FUNDC1: variants seen among roughly 807,000 people sequenced by gnomAD.
FUNDC1 encodes FUN14 domain containing 1, also known as FUN14 domain-containing protein 1.
Under a neutral mutation model 14.5 loss-of-function variants are expected in FUNDC1, and 10 were observed. That is an observed-to-expected ratio of 0.69 (90% CI 0.43 to 1.17). The LOEUF is 1.17. Ranked by LOEUF, FUNDC1 falls within the 50% of genes most tolerant of loss-of-function variation. The pLI is 0.00. For synonymous variants in FUNDC1, 33 were observed against 39.7 expected, an observed-to-expected ratio of 0.83 and a Z score of 0.64; for missense variants, 115 against 113.8, an observed-to-expected ratio of 1.01 and a Z score of -0.05.
At position 44,524,262 on chromosome X, in the gene FUNDC1, A is replaced by T; in HGVS notation, c.404T>A (p.Ile135Asn). The change falls in exon 5 of 5, where the codon ATC becomes AAC. Residue 135 changes from isoleucine (I) to asparagine (N), a missense_variant. Transcript: ENST00000378045. ...NNLIEEATEF[I>N]KQNIVISSGF... ...ACTGGATATCACAATGTTCTGCTTG[A>T]TAAATTCTGTTGCCTGAAACAAAGT... The T allele has an allele frequency of 8.3e-7, 1 of 1,200,328 alleles. No individual in the cohort carries two copies. The highest frequency in any genetic ancestry group is 1.1e-6 in the Non-Finnish European group (1 of 885,584).
At chrX:44,525,217 G>C (rs1303023436) in intron 4 of FUNDC1, among the ~76,000 whole-genome samples, 15 of 109,752 alleles carry the variant, frequency 1.4e-4, no homozygotes, top group African/African-American at 5.0e-4. Flanking sequence ...ATTTTTTTTG[G>C]GGGGGTGAGT....
At chrX:44,533,742 A>C (rs2038936558) in intron 3 of FUNDC1, among the ~76,000 whole-genome samples, 1 of 109,970 alleles carries the variant, frequency 9.1e-6, no homozygotes, top group South Asian at 3.8e-4. Context: ...ATGAAGGAAA[A>C]GCAAGAAACA....
chrX:44,540,419 T>C (rs1242562747), intron 2 of FUNDC1, among the ~76,000 whole-genome samples: 1 of 107,397 alleles, frequency 9.3e-6, no homozygotes, highest in Non-Finnish European at 1.9e-5. Context: ...GTGTGTTGTG[T>C]GTGTGTGTGT....
chrX:44,542,783 A>C, intron 1 of FUNDC1, 22 bp downstream of exon 1: 5 of 1,162,603 alleles, frequency 4.3e-6, no homozygotes, highest in Non-Finnish European at 4.6e-6. Context: ...CCCAGATACC[A>C]CTTCGGGCCC....
In FUNDC1 at chrX:44,542,084, C is replaced by G. The variant is rs181489310; in HGVS notation, c.46G>C (p.Asp16His). Residue 16 changes from aspartate (D) to histidine (H), a missense_variant, in exon 2 of 5, where the codon GAC (aspartate) becomes CAC (histidine). By Grantham distance (81) the Asp-to-His change is moderately conservative. Coordinates refer to ENST00000378045, the MANE Select transcript of FUNDC1 (RefSeq NM_173794.4). Reference protein sequence around the residue: ...PPPQDYESDDDSYEVLDLTEY... With the variant: ...PPPQDYESDDHSYEVLDLTEY... ...GTTAAATCCAACACTTCATAAGAGTCGTCATCACTTTCATAGTCTTCAAAA... is the reference window on the plus strand; with the variant it reads ...GTTAAATCCAACACTTCATAAGAGTGGTCATCACTTTCATAGTCTTCAAAA... 5 of 1,197,256 alleles carry G rather than the reference C, an allele frequency of 4.2e-6. No homozygotes were observed. Among genetic ancestry groups the G allele is most frequent in the Non-Finnish European group, 4.5e-6 (4 of 886,759 alleles).
intron 3 of FUNDC1, among the ~76,000 whole-genome samples, chrX:44,535,121 G>A (rs773580385): frequency 9.0e-6 from 1 of 111,006 alleles, no homozygotes; most frequent in African/African-American, 3.3e-5. Flanking sequence ...CTCTAGCCTG[G>A]GCAACAGAGC....
At position 44,542,813 on chromosome X, in the gene FUNDC1, G is replaced by C; in HGVS notation, c.20C>G (p.Pro7Arg). MATRNP[P>R]PQDYESDDDS... Reference sequence around the variant, plus strand: ...GGGCCCTGGCCGCTCACCTTGGGGAGGGGGGTTCCGGGTCGCCATGATACC... The same window carrying C: ...GGGCCCTGGCCGCTCACCTTGGGGACGGGGGTTCCGGGTCGCCATGATACC... Residue 7 changes from proline (P) to arginine (R), a missense_variant, in exon 1 of 5, where the codon CCT becomes CGT. Coordinates refer to ENST00000378045, the MANE Select transcript of FUNDC1 (RefSeq NM_173794.4). 8.6e-7 allele frequency: 1 copy of C among 1,168,585 alleles called. No homozygotes were observed. Among genetic ancestry groups the C allele is most frequent in the East Asian group, 3.2e-5 (1 of 30,959 alleles).
intron 2 of FUNDC1, among the ~76,000 whole-genome samples, chrX:44,540,892 A>G (rs1251418938): frequency 1.8e-5 from 2 of 111,448 alleles, no homozygotes; most frequent in African/African-American, 6.5e-5. Flanking sequence ...TTCTAATTGC[A>G]GGCTTTTTTC....
At chrX:44,539,947 G>C in intron 2 of FUNDC1, among the ~76,000 whole-genome samples, 1 of 111,028 alleles carries the variant, frequency 9.0e-6, no homozygotes, top group East Asian at 2.8e-4. Context: ...GATTACCAGT[G>C]TAAGCCACCG....
chrX:44,542,389 C>A (rs2038975833), intron 1 of FUNDC1: 1 of 371,767 alleles, frequency 2.7e-6, no homozygotes, highest in African/African-American at 2.6e-5. Flanking sequence ...GGGTCACCCC[C>A]ACCTCCAAAC....
At chrX:44,537,981 T>C (rs2038955106) in intron 3 of FUNDC1, among the ~76,000 whole-genome samples, 4 of 112,256 alleles carry the variant, frequency 3.6e-5, no homozygotes, top group African/African-American at 1.3e-4. Context: ...GGATTTTTGT[T>C]TTGTTTTGTT....
At chrX:44,536,801 C>CT (rs1240685029) in intron 3 of FUNDC1, among the ~76,000 whole-genome samples, 1 of 111,611 alleles carries the variant, frequency 9.0e-6, no homozygotes, top group Non-Finnish European at 1.9e-5. Context: ...TGCACAAGTA[C>CT]TTGGCCCTTT....
chrX:44,528,693 AT>A (rs1051298889), intron 3 of FUNDC1, among the ~76,000 whole-genome samples: 3 of 112,340 alleles, frequency 2.7e-5, no homozygotes, highest in Admixed American at 9.4e-5. Context: ...TTAGAACAAA[AT>A]TTTTTTTATT....
At chrX:44,533,128 C>T (rs1040915593) in intron 3 of FUNDC1, among the ~76,000 whole-genome samples, 2 of 111,758 alleles carry the variant, frequency 1.8e-5, no homozygotes, top group African/African-American at 6.5e-5. Flanking sequence ...TTAGAGAAGA[C>T]ATTCAACTAT....
intron 3 of FUNDC1, among the ~76,000 whole-genome samples, chrX:44,535,684 A>G (rs1223777401): frequency 1.5e-4 from 15 of 102,699 alleles, no homozygotes; most frequent in African/African-American, 5.3e-4. Context: ...AAAAAAAAAA[A>G]AAAAAAAAGA....
chrX:44,541,107 A>G (rs954655744), intron 2 of FUNDC1, among the ~76,000 whole-genome samples: 2 of 112,731 alleles, frequency 1.8e-5, no homozygotes, highest in African/African-American at 6.4e-5. Flanking sequence ...AAATATTTCA[A>G]TTAAATCTAT....
intron 4 of FUNDC1, among the ~76,000 whole-genome samples, chrX:44,526,444 A>AC (rs1454016582): frequency 2.0e-5 from 2 of 101,969 alleles, no homozygotes; most frequent in Non-Finnish European, 4.0e-5. Flanking sequence ...AAGAAAAAAA[A>AC]AGTTTCTGAA....
chrX:44,538,287 G>C (rs1484705541), intron 3 of FUNDC1, among the ~76,000 whole-genome samples, 180 bp downstream of exon 3: 4 of 112,456 alleles, frequency 3.6e-5, no homozygotes, highest in African/African-American at 1.3e-4. Flanking sequence ...CTCGGTAATG[G>C]CTGTCTTTTT....
intron 3 of FUNDC1, among the ~76,000 whole-genome samples, chrX:44,530,588 A>C (rs2038918421): frequency 9.1e-6 from 1 of 110,306 alleles, no homozygotes; most frequent in African/African-American, 3.3e-5. Context: ...CCTGGGCAAC[A>C]GAGTGAGACA....
Sources: allele counts gnomAD v4.1 joint callset (sites outside exome capture counted in the v4.1 genomes callset), GRCh38; gene constraint gnomAD v4.1.1; transcripts MANE v1.5; gene names NCBI Gene and HGNC (gene_info 2026-07-23, HGNC 2026-07-21).